The following CARF variants were observed in gnomAD, a reference collection of about 807,000 sequenced individuals.
CARF encodes calcium-responsive transcription factor.
In CARF, 57 loss-of-function variants were observed where a neutral mutation model predicts 82.0. The observed-to-expected ratio is 0.70, with a 90% CI of 0.56 to 0.87. The LOEUF (loss-of-function observed/expected upper bound fraction) is 0.87, where lower values mean the gene tolerates loss of function less well. Among genes scored for constraint, CARF ranks in the 40% least tolerant of loss-of-function variants. The pLI is 0.00. For missense variants in CARF, 771 were observed against 855.8 expected (o/e 0.90, Z 1.24); for synonymous variants, 268 against 290.1 (o/e 0.92, Z 0.77).
chr2:202,950,942 A>G (rs2058727458), intron 5 of CARF, among the ~76,000 whole-genome samples: 1 of 152,224 alleles, frequency 6.6e-6, no homozygotes, highest in Non-Finnish European at 1.5e-5. Flanking sequence ...TTTGGGAACT[A>G]TCTATGATTA....
At chr2:202,926,360 T>C (rs1013574834) in intron 3 of CARF, among the ~76,000 whole-genome samples, 1 of 152,194 alleles carries the variant, frequency 6.6e-6, no homozygotes, top group Non-Finnish European at 1.5e-5. Context: ...GTTCAATTGT[T>C]TTTTCAAAAT....
Position 202,918,806 on chromosome 2 carries a change from G to A in CARF, c.-163+763G>A, listed in dbSNP as rs138671429. Among the ~76,000 whole-genome samples, 253 of 152,198 alleles carry A rather than the reference G, an allele frequency of 1.7e-3. 2 individuals are homozygous for A. Among genetic ancestry groups the A allele is most frequent in the African/African-American group, 5.4e-3 (223 of 41,518 alleles). Reference sequence around the variant, plus strand: ...TACTTTTAATCTTCATTTCAACAATGGGTTAGGTCAGTCATCATATTAAAA... The same window carrying A: ...TACTTTTAATCTTCATTTCAACAATAGGTTAGGTCAGTCATCATATTAAAA... On this transcript the variant is annotated intron_variant, in intron 2 of 16. Transcript: ENST00000438828.
At chr2:202,942,718 A>ATT in intron 4 of CARF, 22 bp from the exon 5 acceptor site, 3 of 1,406,730 alleles carry the variant, frequency 2.1e-6, no homozygotes, top group Admixed American at 2.2e-5. Context: ...GACTGAAGTG[A>ATT]TTTTTTTTTT....
At chr2:202,952,534 ATTT>A in intron 5 of CARF, 22 bp from the exon 6 acceptor site, 1 of 1,302,798 alleles carries the variant, frequency 7.7e-7, no homozygotes, top group Non-Finnish European at 1.1e-6. Flanking sequence ...TATGCATTTG[ATTT>A]TTTTTTTTTA....
At chr2:202,981,857 A>G (rs2060275908) in intron 15 of CARF, among the ~76,000 whole-genome samples, 172 bp downstream of exon 15, 1 of 152,260 alleles carries the variant, frequency 6.6e-6, no homozygotes. Flanking sequence ...TAATTCAAAC[A>G]GTATGTTTTT....
At chr2:202,980,867 T>C (rs1301901184) in intron 14 of CARF, among the ~76,000 whole-genome samples, 3 of 151,822 alleles carry the variant, frequency 2.0e-5, no homozygotes, top group Non-Finnish European at 4.4e-5. Context: ...TGTGGGAGGA[T>C]ATGCTTAGAT....
At chr2:202,932,699 A>G (rs990504037) in intron 3 of CARF, among the ~76,000 whole-genome samples, 2 of 152,078 alleles carry the variant, frequency 1.3e-5, no homozygotes, top group Admixed American at 1.3e-4. Context: ...GTGGAGTACA[A>G]CTGTTGTTTA....
chr2:202,937,922 G>A (rs1203514000), intron 3 of CARF, among the ~76,000 whole-genome samples: 1 of 135,472 alleles, frequency 7.4e-6, no homozygotes, highest in Non-Finnish European at 1.6e-5. Flanking sequence ...GTTGCACCCA[G>A]CCAACTGTAA....
chr2:202,953,498 GTTT>G (rs67855316), intron 6 of CARF, among the ~76,000 whole-genome samples: 1 of 70,290 alleles, frequency 1.4e-5, no homozygotes, highest in Non-Finnish European at 2.5e-5. Flanking sequence ...TTTTTTTGTT[GTTT>G]TTTTTTTTTT....
chr2:202,985,960 T>C lies in CARF; in HGVS notation c.*2336T>C, dbSNP rs1195243987. 2.6e-5 allele frequency: 4 copies of C among 152,142 alleles called. No homozygotes were observed. Among genetic ancestry groups the C allele is most frequent in the African/African-American group, 7.2e-5 (3 of 41,460 alleles). 9.4% of individuals were successfully genotyped at this position (152,142 alleles called of 1,614,324 possible). ...AAAAATAATATTTTTCTCACTTGATTCTGTGTGAATGTCTCTTCTGATACT... is the reference window on the plus strand; with the variant it reads ...AAAAATAATATTTTTCTCACTTGATCCTGTGTGAATGTCTCTTCTGATACT... On this transcript the variant is annotated 3_prime_UTR_variant, in exon 17 of 17. Coordinates refer to ENST00000438828, the MANE Select transcript of CARF (RefSeq NM_024744.17).
At chr2:202,983,471 A>G in intron 16 of CARF, 35 bp from the exon 17 acceptor site, 1 of 1,318,390 alleles carries the variant, frequency 7.6e-7, no homozygotes, top group Non-Finnish European at 1.1e-6. Context: ...CATGAAATAG[A>G]TTAACTTTTA....
chr2:202,937,138 T>A (rs1694072634), intron 3 of CARF, among the ~76,000 whole-genome samples: 1 of 152,220 alleles, frequency 6.6e-6, no homozygotes, highest in Non-Finnish European at 1.5e-5. Flanking sequence ...TCGATTCTGT[T>A]GTATTTATTG....
At chr2:202,974,152 C>A (rs754516046) in intron 12 of CARF, among the ~76,000 whole-genome samples, 182 bp from the exon 13 acceptor site, 68 of 152,138 alleles carry the variant, frequency 4.5e-4, no homozygotes, top group Admixed American at 1.5e-3. Context: ...TATTACATTT[C>A]TATAGTCTGC....
At chr2:202,973,330 G>A (rs908456302) in intron 12 of CARF, among the ~76,000 whole-genome samples, 1 of 152,156 alleles carries the variant, frequency 6.6e-6, no homozygotes, top group Non-Finnish European at 1.5e-5. Flanking sequence ...AACAATGGAA[G>A]TATAATACAG....
At chr2:202,931,194 A>T (rs1692878611) in intron 3 of CARF, among the ~76,000 whole-genome samples, 2 of 151,194 alleles carry the variant, frequency 1.3e-5, no homozygotes, top group Non-Finnish European at 2.9e-5. Context: ...CTGGTCTCGA[A>T]CTCTCGACCT....
chr2:202,977,129 T>C (rs1444050507), intron 13 of CARF, 140 bp from the exon 14 acceptor site: 1 of 642,704 alleles, frequency 1.6e-6, no homozygotes, highest in African/African-American at 1.8e-5. Context: ...TACTTGTGCT[T>C]GAAGAATATG....
chr2:202,942,459 T>G, intron 4 of CARF: 1 of 271,204 alleles, frequency 3.7e-6, no homozygotes, highest in Non-Finnish European at 5.6e-6. Flanking sequence ...AATGCTAAGA[T>G]ATATTCATAA....
chr2:202,971,512 G>A lies in CARF; in HGVS notation c.1105G>A (p.Val369Ile), dbSNP rs762845678. Residue 369 changes from valine (V) to isoleucine (I), a missense_variant, in exon 12 of 17, where the codon GTA (valine) becomes ATA (isoleucine). Transcript: ENST00000438828. ...VDAGGVLRWYVQLPTQQAHQY... is the reference protein window; with the variant it reads ...VDAGGVLRWYIQLPTQQAHQY... ...AATATTTTCTCTTACCAGGTGGTAT[G>A]TACAGTTACCTACACAGCAAGCTCA... The A allele has an allele frequency of 1.2e-6, 2 of 1,604,264 alleles. No individual in the cohort carries two copies. The highest frequency in any genetic ancestry group is 1.7e-5 in the Admixed American group (1 of 59,970).
intron 1 of CARF, among the ~76,000 whole-genome samples, chr2:202,913,901 T>G (rs1157373148): frequency 1.3e-5 from 2 of 152,220 alleles, no homozygotes; most frequent in African/African-American, 4.8e-5. Context: ...AATATATGCT[T>G]AATAATATAA....
Sources: allele counts gnomAD v4.1 joint callset (sites outside exome capture counted in the v4.1 genomes callset), GRCh38; gene constraint gnomAD v4.1.1; transcripts MANE v1.5; gene names NCBI Gene and HGNC (gene_info 2026-07-23, HGNC 2026-07-21).